The following RPS6KA2 variants were observed in gnomAD, a reference collection of about 807,000 sequenced individuals.
RPS6KA2 encodes the protein ribosomal protein S6 kinase alpha-2.
A neutral mutation model predicts 91.8 loss-of-function variants in RPS6KA2; 42 were observed. That is an observed-to-expected ratio of 0.46 (90% confidence interval 0.36 to 0.59). RPS6KA2 has a LOEUF of 0.59. Ranked by LOEUF, RPS6KA2 falls within the 20% of genes least tolerant of loss-of-function variation. The pLI is 0.00. For synonymous variants in RPS6KA2, 414 were observed against 393.6 expected (o/e 1.05, Z -0.61); for missense variants, 798 against 978.5 (o/e 0.82, Z 2.46).
chr6:166,682,949 G>C (rs947918862), intron 2 of RPS6KA2, among the ~76,000 whole-genome samples: 11 of 152,162 alleles, frequency 7.2e-5, no homozygotes, highest in African/African-American at 2.2e-4. Context: ...TGAGTTGAAG[G>C]CATGAATGAA....
At chr6:166,604,601 A>G (rs181962964) in intron 1 of RPS6KA2, among the ~76,000 whole-genome samples, 28 of 152,334 alleles carry the variant, frequency 1.8e-4, no homozygotes, top group African/African-American at 6.0e-4. Context: ...TTACCTGAGC[A>G]TCAGAGTTTT....
intron 20 of RPS6KA2, among the ~76,000 whole-genome samples, chr6:166,413,320 G>C (rs912150449): frequency 1.3e-5 from 2 of 152,164 alleles, no homozygotes; most frequent in African/African-American, 4.8e-5. Context: ...TCATTTGGAG[G>C]AACAGGCATA....
chr6:166,504,026 T>C lies in RPS6KA2; in HGVS notation c.566+480A>G, dbSNP rs144983342. 3.3e-5 allele frequency among the ~76,000 whole-genome samples: 5 copies of C among 152,316 alleles called. No individual in the cohort carries two copies. The East Asian group carries it at 9.7e-4, about 29-fold the overall frequency. On this transcript the variant is annotated intron_variant, in intron 6 of 20. Coordinates refer to ENST00000265678, the MANE Select transcript of RPS6KA2 (RefSeq NM_021135.6). ...ACTGAGTAGAGGTTCATTGACCACA[T>C]TCCTGGGACTTGCTGAAGTAGATGA...
intron 1 of RPS6KA2, among the ~76,000 whole-genome samples, chr6:166,576,250 A>C (rs935505513): frequency 6.6e-6 from 1 of 152,202 alleles, no homozygotes; most frequent in Admixed American, 6.5e-5. Flanking sequence ...ATGAAAATGG[A>C]CTAATACAGT....
intron 2 of RPS6KA2, among the ~76,000 whole-genome samples, chr6:166,806,717 T>A (rs895348616): frequency 2.6e-5 from 4 of 152,224 alleles, no homozygotes; most frequent in Non-Finnish European, 4.4e-5. Context: ...ATGGTAATTA[T>A]ATGACAATTA....
At chr6:166,747,398 C>T (rs1256690668) in intron 2 of RPS6KA2, among the ~76,000 whole-genome samples, 1 of 152,226 alleles carries the variant, frequency 6.6e-6, no homozygotes, top group African/African-American at 2.4e-5. Flanking sequence ...AGCACTCAAC[C>T]ATAATGGAAG....
chr6:166,604,960 A>G (rs1434440335), intron 1 of RPS6KA2, among the ~76,000 whole-genome samples: 1 of 152,140 alleles, frequency 6.6e-6, no homozygotes, highest in Non-Finnish European at 1.5e-5. Flanking sequence ...ATTGATATCT[A>G]TAAGTCTCTA....
chr6:166,662,841 G>A lies in RPS6KA2; in HGVS notation c.124-124057C>T, dbSNP rs1582997634. 2.6e-5 allele frequency among the ~76,000 whole-genome samples: 4 copies of A among 152,238 alleles called. No individual in the cohort carries two copies. The Middle Eastern group carries it at 0.014, about 518-fold the overall frequency. On this transcript the variant is annotated intron_variant, in intron 2 of 21. Transcript: ENST00000503859. This position sits in a 1 kb window ranked among gnomAD's most constrained non-coding sequence, Gnocchi z 4.3. Reference sequence around the variant, plus strand: ...GGGGAATTCCATTAAATGAGGCCTCGGAGTGGGTGCTTATCCGCTCTGACT... The same window carrying A: ...GGGGAATTCCATTAAATGAGGCCTCAGAGTGGGTGCTTATCCGCTCTGACT...
At chr6:166,477,985 G>A (rs114521659) in intron 10 of RPS6KA2, among the ~76,000 whole-genome samples, 11 of 152,326 alleles carry the variant, frequency 7.2e-5, no homozygotes, top group African/African-American at 1.9e-4. Flanking sequence ...TGAATTGTTG[G>A]CTCTCATGTA....
chr6:166,756,718 T>C (rs1196785154), intron 2 of RPS6KA2, among the ~76,000 whole-genome samples: 1 of 152,036 alleles, frequency 6.6e-6, no homozygotes, highest in Non-Finnish European at 1.5e-5. Context: ...TGGTGGCGCA[T>C]GCCTGTAATC....
intron 11 of RPS6KA2, among the ~76,000 whole-genome samples, chr6:166,469,226 T>A (rs1213900409): frequency 3.3e-5 from 5 of 151,958 alleles, no homozygotes; most frequent in Non-Finnish European, 5.9e-5. Context: ...CGAGAACTTC[T>A]CAGACAATGT....
chr6:166,792,237 T>A (rs1779108587), intron 2 of RPS6KA2, among the ~76,000 whole-genome samples: 1 of 152,084 alleles, frequency 6.6e-6, no homozygotes, highest in Admixed American at 6.6e-5. Context: ...TCTACGCAAA[T>A]AAACTAGAAA....
In RPS6KA2 at chr6:166,795,506, C is replaced by T. The variant is rs541690895; in HGVS notation, c.123+62694G>A. Among the ~76,000 whole-genome samples the T allele has an allele frequency of 9.2e-5, 14 of 152,304 alleles. No homozygotes were observed. The South Asian group carries it at 2.7e-3, about 29-fold the overall frequency. The stretch of plus-strand genomic sequence containing the variant: ...TTTCTTCTTGAACCTGACAGCCGAT[C>T]GCAGCTCTGCATCAGACAAAACCAG... On this transcript the variant is annotated intron_variant, in intron 2 of 21. Transcript: ENST00000503859.
chr6:166,641,723 A>C (rs1212979556), intron 2 of RPS6KA2, among the ~76,000 whole-genome samples: 17 of 53,474 alleles, frequency 3.2e-4, no homozygotes, highest in African/African-American at 1.5e-3. Flanking sequence ...CTGTCACAAA[A>C]AAAAAAAAAA....
chr6:166,582,498 TCACAAATTACATTC>T (rs1171564543), intron 1 of RPS6KA2, among the ~76,000 whole-genome samples: 2 of 152,200 alleles, frequency 1.3e-5, no homozygotes, highest in Non-Finnish European at 1.5e-5. Context: ...CATTTTACGA[TCACAAATTACATTC>T]CACAACTGAA....
chr6:166,506,194 A>G (rs1782218262), intron 5 of RPS6KA2, among the ~76,000 whole-genome samples: 1 of 152,156 alleles, frequency 6.6e-6, no homozygotes. Context: ...GGACCCAAGG[A>G]AAAGACTTTC....
chr6:166,814,769 C>T (rs1424149731), intron 2 of RPS6KA2, among the ~76,000 whole-genome samples: 2 of 152,202 alleles, frequency 1.3e-5, no homozygotes, highest in South Asian at 2.1e-4. Context: ...GAATTAAATG[C>T]CTGGTGATCT....
intron 2 of RPS6KA2, among the ~76,000 whole-genome samples, chr6:166,748,593 T>A (rs1488474617): frequency 2.6e-5 from 1 of 37,808 alleles, no homozygotes; most frequent in Non-Finnish European, 4.8e-5. Flanking sequence ...GGCCCCCATT[T>A]CCTCAGGCCC....
intron 2 of RPS6KA2, among the ~76,000 whole-genome samples, chr6:166,536,950 A>C (rs1313201301): frequency 1.3e-5 from 2 of 152,258 alleles, no homozygotes; most frequent in Non-Finnish European, 2.9e-5. Context: ...GTTTTCCAAA[A>C]CATGTTTTTT....
Sources: gnomAD v4.1 joint callset for allele counts (sites outside exome capture counted in the v4.1 genomes callset) on GRCh38, gnomAD v4.1.1 for gene constraint, Gnocchi (gnomAD v3.1) non-coding constraint, MANE v1.5 for transcripts, NCBI Gene and HGNC (gene_info 2026-07-23, HGNC 2026-07-21) for gene names.